The following PHF3 variants were observed in gnomAD, a reference collection of about 807,000 sequenced individuals.
PHF3 encodes PHD finger protein 3.
In PHF3, 41 loss-of-function variants were observed where a neutral mutation model predicts 178.4. The ratio of observed to expected loss-of-function variants is 0.23; its 90% confidence interval spans 0.18 to 0.30. The LOEUF (loss-of-function observed/expected upper bound fraction) is 0.30, where lower values mean the gene tolerates loss of function less well. Ranked by LOEUF, PHF3 falls within the 10% of genes least tolerant of loss-of-function variation. PHF3 has a pLI of 1.00. For synonymous variants in PHF3, 842 were observed against 800.5 expected (o/e 1.05, Z -0.88); for missense variants, 2,346 against 2,398.1 (o/e 0.98, Z 0.45).
At chr6:63,669,455 G>A (rs536283328) in intron 2 of PHF3, among the ~76,000 whole-genome samples, 32 of 152,232 alleles carry the variant, frequency 2.1e-4, no homozygotes, top group South Asian at 1.5e-3. Context: ...TTATAATACC[G>A]TCTTAGGACC....
chr6:63,693,497 C>T (rs1582092294), intron 5 of PHF3, among the ~76,000 whole-genome samples: 1 of 152,198 alleles, frequency 6.6e-6, no homozygotes, highest in East Asian at 1.9e-4. Context: ...TGCCTGTAAT[C>T]CCAGCTGCTT....
Position 63,724,404 on chromosome 6 carries a change from A to G in PHF3, c.*10696A>G, listed in dbSNP as rs1206728861. Among the ~76,000 whole-genome samples the G allele has an allele frequency of 6.6e-6, 1 of 151,362 alleles. No homozygotes were observed. The highest frequency in any genetic ancestry group is 2.5e-5 in the African/African-American group (1 of 40,652). ...TTCTGTAGAAAAGGAAAGCAATGGT[A>G]ATTTAAACTTATTTATATATTTTTA... On this transcript the variant is annotated 3_prime_UTR_variant, in exon 16 of 16. Transcript: ENST00000262043.
chr6:63,675,741 C>T (rs998316062), intron 2 of PHF3, among the ~76,000 whole-genome samples: 9 of 152,210 alleles, frequency 5.9e-5, no homozygotes. Flanking sequence ...CTCAAGTCAT[C>T]ACTTACCTTC....
At position 63,671,359 on chromosome 6, in the gene PHF3, G is replaced by A. The variant is rs1014772321; in HGVS notation, c.245-8641G>A. On this transcript the variant is annotated intron_variant, in intron 2 of 15. Transcript: ENST00000262043. ...GCCCTCATGGAGCCGGCAAGTATTA[G>A]GTTAGTGCAAAATTGATTGTGGCTT... Among the ~76,000 whole-genome samples, 27 of 152,174 alleles carry A rather than the reference G, an allele frequency of 1.8e-4. 2 individuals are homozygous for A.
At chr6:63,645,582 T>A in intron 1 of PHF3, among the ~76,000 whole-genome samples, 1 of 152,212 alleles carries the variant, frequency 6.6e-6, no homozygotes, top group South Asian at 2.1e-4. Flanking sequence ...CCCAGGATGT[T>A]ATAGGTTAAT....
intron 8 of PHF3, among the ~76,000 whole-genome samples, chr6:63,699,471 A>G (rs934846597): frequency 3.9e-5 from 6 of 152,234 alleles, no homozygotes; most frequent in African/African-American, 1.4e-4. Flanking sequence ...CTTGAAGTAC[A>G]CTAACAGAGA....
In PHF3 at chr6:63,720,490, A is replaced by C; in HGVS notation, c.*6782A>C. 1 of 765,382 alleles carries C rather than the reference A, an allele frequency of 1.3e-6. No individual in the cohort carries two copies. Among genetic ancestry groups the C allele is most frequent in the Non-Finnish European group, 2.0e-6 (1 of 500,144 alleles). 47.4% of individuals were successfully genotyped at this position (765,382 alleles called of 1,614,324 possible). On this transcript the variant is annotated 3_prime_UTR_variant, in exon 16 of 16. Coordinates refer to ENST00000262043, the MANE Select transcript of PHF3 (RefSeq NM_001370348.2). Reference sequence around the variant, plus strand: ...GATATGTTAGCATTTAGACTATTTCAGGTAATATAGTAAACAGTTGATTCC... The same window carrying C: ...GATATGTTAGCATTTAGACTATTTCCGGTAATATAGTAAACAGTTGATTCC...
chr6:63,642,705 A>T (rs1455217260), intron 1 of PHF3, among the ~76,000 whole-genome samples: 1 of 152,150 alleles, frequency 6.6e-6, no homozygotes, highest in Non-Finnish European at 1.5e-5. Flanking sequence ...ATGCCAGTAG[A>T]TGGGCTTCCT....
rs1768324659 is a variant in PHF3, at chr6:63,720,349, CTG to C, written c.*6644_*6645del. On this transcript the variant is annotated 3_prime_UTR_variant, in exon 16 of 16. Coordinates refer to ENST00000262043, the MANE Select transcript of PHF3 (RefSeq NM_001370348.2). Reference sequence around the variant, plus strand: ...AATAAGCAAAGTGAATAAGCACATTCTGTGAATAAGCACTGAACTAATGGAGT... The same window carrying C: ...AATAAGCAAAGTGAATAAGCACATTCTGAATAAGCACTGAACTAATGGAGT... 2.4e-6 allele frequency: 1 copy of C among 418,926 alleles called. No individual in the cohort carries two copies. Among genetic ancestry groups the C allele is most frequent in the African/African-American group, 2.1e-5 (1 of 48,650 alleles). 26.0% of individuals were successfully genotyped at this position (418,926 alleles called of 1,614,324 possible). A position where few individuals can be genotyped will look rare whatever the true frequency, so the allele number is the denominator to read the frequency against.
In PHF3 at chr6:63,700,450, G is replaced by A. The variant is rs781339879; in HGVS notation, c.3083G>A (p.Arg1028Gln). The change falls in exon 9 of 16, where the codon CGA becomes CAA. Residue 1028 changes from arginine to glutamine, a missense_variant. Arg to Gln is a conservative substitution (Grantham distance 43). Coordinates refer to ENST00000262043, the MANE Select transcript of PHF3 (RefSeq NM_001370348.2). ...TCTAAAGAGTTAGCTGCTTGGAGAC[G>A]AAGAGAAAACAGACATGTAAGATTA... ...LASKELAAWR[R>Q]RENRHTIEMI... 8.9e-6 allele frequency: 14 copies of A among 1,569,438 alleles called. No homozygotes were observed. Among genetic ancestry groups the A allele is most frequent in the South Asian group, 4.5e-5 (4 of 88,936 alleles).
intron 9 of PHF3, among the ~76,000 whole-genome samples, chr6:63,700,756 G>C (rs1387222809): frequency 6.6e-6 from 1 of 152,064 alleles, no homozygotes; most frequent in South Asian, 2.1e-4. Flanking sequence ...GTTAATTTTT[G>C]TATTTTTAGT....
At chr6:63,691,564 A>G (rs1425012882) in intron 4 of PHF3, among the ~76,000 whole-genome samples, 173 bp from the exon 5 acceptor site, 1 of 152,144 alleles carries the variant, frequency 6.6e-6, no homozygotes, top group East Asian at 1.9e-4. Flanking sequence ...ATTTTAATAG[A>G]ATATTATTTT....
intron 2 of PHF3, among the ~76,000 whole-genome samples, chr6:63,656,812 C>T (rs1765254293): frequency 6.6e-6 from 1 of 152,134 alleles, no homozygotes; most frequent in South Asian, 2.1e-4. Context: ...TATCACTTTT[C>T]CTTCAAATTT....
intron 2 of PHF3, among the ~76,000 whole-genome samples, chr6:63,666,024 T>C (rs1765666742): frequency 6.6e-6 from 1 of 152,162 alleles, no homozygotes; most frequent in African/African-American, 2.4e-5. Context: ...CTAGTTAAGT[T>C]TGATTTCTTT....
At chr6:63,706,627 T>C in intron 12 of PHF3, 102 bp from the exon 13 acceptor site, 1 of 922,078 alleles carries the variant, frequency 1.1e-6, no homozygotes, top group Non-Finnish European at 1.7e-6. Context: ...TAGCCTCATA[T>C]TTTGGCCTTC....
rs537863668 is a variant in PHF3, at chr6:63,718,761, G to C, written c.*5053G>C. Among the ~76,000 whole-genome samples, 24 of 152,126 alleles carry C rather than the reference G, an allele frequency of 1.6e-4. No homozygotes were observed. The highest frequency in any genetic ancestry group is 4.6e-4 in the Admixed American group (7 of 15,236). On this transcript the variant is annotated 3_prime_UTR_variant, in exon 16 of 16. Coordinates refer to ENST00000262043, the MANE Select transcript of PHF3 (RefSeq NM_001370348.2). ...AAAGAAAAGGCACACTTTATTATGA[G>C]AGAACACATGGCCGAATATGATGGG...
rs1167313614 is a variant in PHF3, at chr6:63,722,040, A to C, written c.*8332A>C. Among the ~76,000 whole-genome samples the C allele has an allele frequency of 6.6e-6, 1 of 152,112 alleles. No homozygotes were observed. Among genetic ancestry groups the C allele is most frequent in the Admixed American group, 6.6e-5 (1 of 15,252 alleles). On this transcript the variant is annotated 3_prime_UTR_variant, in exon 16 of 16. Coordinates refer to ENST00000262043, the MANE Select transcript of PHF3 (RefSeq NM_001370348.2). ...AGTTGTGGACAGTTCTCATTGAATGAATATATTGTGGTAGTAAGTTAAAGT... is the reference window on the plus strand; with the variant it reads ...AGTTGTGGACAGTTCTCATTGAATGCATATATTGTGGTAGTAAGTTAAAGT...
Position 63,713,760 on chromosome 6 carries a change from T to C in PHF3, c.*52T>C. On this transcript the variant is annotated 3_prime_UTR_variant, in exon 16 of 16. Transcript: ENST00000262043. ...TTTAAATAACTGTTAAAATGTTGTA[T>C]CTTGTAAACAAAAGAAAGATTGCCT... The C allele has an allele frequency of 7.2e-7, 1 of 1,393,890 alleles. No individual in the cohort carries two copies. The highest frequency in any genetic ancestry group is 9.6e-7 in the Non-Finnish European group (1 of 1,039,256). 86.3% of individuals were successfully genotyped at this position (1,393,890 alleles called of 1,614,324 possible).
At chr6:63,656,455 C>T (rs1026238207) in intron 2 of PHF3, among the ~76,000 whole-genome samples, 4 of 152,134 alleles carry the variant, frequency 2.6e-5, no homozygotes, top group African/African-American at 4.8e-5. Flanking sequence ...TATTCTAGTA[C>T]AGTTGCTGAC....
Sources: allele counts gnomAD v4.1 joint callset (sites outside exome capture counted in the v4.1 genomes callset), GRCh38; gene constraint gnomAD v4.1.1; transcripts MANE v1.5; gene names NCBI Gene and HGNC (gene_info 2026-07-23, HGNC 2026-07-21).